CNTN5: variants seen among roughly 807,000 people sequenced by gnomAD.
CNTN5 encodes contactin-5.
CNTN5 carries 77 observed loss-of-function variants against 129.1 expected under a neutral mutation model. The ratio of observed to expected loss-of-function variants is 0.60; its 90% confidence interval spans 0.50 to 0.72. The LOEUF (loss-of-function observed/expected upper bound fraction) is 0.72, where lower values mean the gene tolerates loss of function less well. CNTN5 is among the 30% of genes least tolerant of loss of function. The pLI, the probability that CNTN5 is intolerant of heterozygous loss-of-function variation, is 0.00. For missense variants in CNTN5, 1,478 were observed against 1,328.8 expected (o/e 1.11, Z -1.75); for synonymous variants, 509 against 465.6 (o/e 1.09, Z -1.20).
At chr11:99,067,894 A>G (rs4512784) in intron 1 of CNTN5, among the ~76,000 whole-genome samples, 50,803 of 151,962 alleles carry the variant, frequency 0.33, 8,926 homozygotes, top group African/African-American at 0.42. Context: ...ATGCAGCAAG[A>G]GAGAGACCAG....
chr11:99,911,057 G>A (rs1353600048), intron 6 of CNTN5, among the ~76,000 whole-genome samples: 1 of 152,032 alleles, frequency 6.6e-6, no homozygotes, highest in Non-Finnish European at 1.5e-5. Flanking sequence ...AGCCAGCTCA[G>A]TTCCTTAATC....
At chr11:99,352,216 C>A (rs1330096772) in intron 2 of CNTN5, among the ~76,000 whole-genome samples, 5 of 152,034 alleles carry the variant, frequency 3.3e-5, no homozygotes, top group Non-Finnish European at 5.9e-5. Flanking sequence ...ACAAAGACTG[C>A]TTTCTAAAAA....
At chr11:100,210,248 A>G (rs1425432996) in intron 15 of CNTN5, among the ~76,000 whole-genome samples, 1 of 149,704 alleles carries the variant, frequency 6.7e-6, no homozygotes, top group Admixed American at 6.7e-5. Context: ...GCTACAAGGG[A>G]GACAGGTGGG....
At chr11:100,303,449 TC>T (rs1443232052) in intron 20 of CNTN5, among the ~76,000 whole-genome samples, 2 of 151,768 alleles carry the variant, frequency 1.3e-5, no homozygotes, top group African/African-American at 4.8e-5. Context: ...ACTTAGTTCT[TC>T]TCACCATAAC....
At chr11:99,415,191 T>C (rs141371268) in intron 2 of CNTN5, among the ~76,000 whole-genome samples, 112 of 152,272 alleles carry the variant, frequency 7.4e-4, no homozygotes, top group African/African-American at 2.6e-3. Context: ...ACAGATTTAT[T>C]TAATCAAAGT....
At chr11:99,470,292 A>G (rs1195753137) in intron 2 of CNTN5, among the ~76,000 whole-genome samples, 4 of 152,192 alleles carry the variant, frequency 2.6e-5, no homozygotes, top group African/African-American at 7.2e-5. Context: ...AATCAGAATG[A>G]TAGAAGCCTC....
chr11:99,393,999 CTATT>C (rs1941397966), intron 2 of CNTN5, among the ~76,000 whole-genome samples: 1 of 151,644 alleles, frequency 6.6e-6, no homozygotes, highest in Non-Finnish European at 1.5e-5. Context: ...ATTCTCATTT[CTATT>C]TCTTTCTTAA....
intron 1 of CNTN5, among the ~76,000 whole-genome samples, chr11:99,275,137 A>G (rs2135869569): frequency 6.6e-6 from 1 of 151,426 alleles, no homozygotes; most frequent in Admixed American, 6.6e-5. Context: ...TAAGACCCCT[A>G]GCCTCATGAA....
chr11:99,971,998 C>G (rs1361984642), intron 8 of CNTN5, among the ~76,000 whole-genome samples: 5 of 148,850 alleles, frequency 3.4e-5, no homozygotes, highest in African/African-American at 1.2e-4. Flanking sequence ...GCCTGTAATC[C>G]CAGCACTTTG....
intron 1 of CNTN5, among the ~76,000 whole-genome samples, chr11:99,118,868 T>C (rs1019641628): frequency 2.6e-5 from 4 of 151,830 alleles, no homozygotes; most frequent in Admixed American, 1.3e-4. Flanking sequence ...TAAATAAGTA[T>C]GAAATATCTA....
chr11:99,471,067 G>A (rs1179889005), intron 2 of CNTN5, among the ~76,000 whole-genome samples: 2 of 151,662 alleles, frequency 1.3e-5, no homozygotes, highest in Non-Finnish European at 2.9e-5. Context: ...TGAAATTGCA[G>A]AGAGCACCTA....
chr11:99,478,142 A>T lies in CNTN5; in HGVS notation c.-70-78003A>T, dbSNP rs112651074. 9.8e-3 allele frequency among the ~76,000 whole-genome samples: 1,497 copies of T among 152,206 alleles called. 25 individuals carry two copies. The highest frequency in any genetic ancestry group is 0.034 in the African/African-American group (1,398 of 41,514). On this transcript the variant is annotated intron_variant, in intron 2 of 24. Transcript: ENST00000524871. ...ACAATGCATATTTATTATCTCACAG[A>T]TTATGTGGGTAGAGTCTGGGCATGG... is the stretch of plus-strand genomic sequence containing the variant.
Position 99,713,029 on chromosome 11 carries a change from C to T in CNTN5, c.56-106515C>T, listed in dbSNP as rs532590959. ...TTGCCAATTCTGTGAAGAAAGTCAG[C>T]CGTAGTTTGATGGGGATAGCATTGA... On this transcript the variant is annotated intron_variant, in intron 3 of 24. Transcript: ENST00000524871. 5.9e-5 allele frequency among the ~76,000 whole-genome samples: 9 copies of T among 151,882 alleles called. No individual in the cohort carries two copies. In the East Asian group the frequency reaches 9.7e-4, roughly 16 times the overall value.
chr11:99,755,027 T>G (rs2439598), intron 3 of CNTN5, among the ~76,000 whole-genome samples: 37,868 of 152,120 alleles, frequency 0.25, 5,275 homozygotes, highest in Non-Finnish European at 0.33. Context: ...GGTAGTATTT[T>G]CTGGTTAACT....
chr11:99,137,933 G>A (rs1859317224), intron 1 of CNTN5, among the ~76,000 whole-genome samples: 1 of 152,132 alleles, frequency 6.6e-6, no homozygotes, highest in Non-Finnish European at 1.5e-5. Flanking sequence ...AAAGGTGTGT[G>A]TGTAACATTA....
chr11:99,889,097 T>G (rs2135894741), intron 6 of CNTN5, among the ~76,000 whole-genome samples: 1 of 152,252 alleles, frequency 6.6e-6, no homozygotes, highest in Admixed American at 6.5e-5. Flanking sequence ...GCAGGCAAAA[T>G]GAAATTTGTT....
intron 3 of CNTN5, among the ~76,000 whole-genome samples, chr11:99,670,461 C>T (rs565688291): frequency 2.2e-4 from 34 of 152,292 alleles, no homozygotes; most frequent in African/African-American, 7.9e-4. Flanking sequence ...ACCAGCCTAT[C>T]ACTCACCTAA....
chr11:99,665,139 T>C (rs1952737286), intron 3 of CNTN5, among the ~76,000 whole-genome samples: 1 of 152,186 alleles, frequency 6.6e-6, no homozygotes, highest in Admixed American at 6.6e-5. Flanking sequence ...GGAAGAAAAC[T>C]TTTATTTTCA....
chr11:99,088,143 A>G (rs1339022758), intron 1 of CNTN5, among the ~76,000 whole-genome samples: 1 of 152,134 alleles, frequency 6.6e-6, no homozygotes, highest in Admixed American at 6.6e-5. Context: ...AACCTTCCAC[A>G]AGAAAACCCT....
Sources: gnomAD v4.1 joint callset for allele counts (sites outside exome capture counted in the v4.1 genomes callset) on GRCh38, gnomAD v4.1.1 for gene constraint, MANE v1.5 for transcripts, NCBI Gene and HGNC (gene_info 2026-07-23, HGNC 2026-07-21) for gene names.